Variants in POFUT3 observed in about 807,000 individuals in gnomAD.
POFUT3 encodes GDP-fucose protein O-fucosyltransferase 3.
chr8:33,399,815 G>A, the POFUT3 span, among the ~76,000 whole-genome samples: 12 of 151,766 alleles, frequency 7.9e-5, no homozygotes, highest in East Asian at 2.0e-4. Context: ...CACCACGCCC[G>A]GCTAATTTTT....
chr8:33,461,700 C>G, the POFUT3 span: 1 of 1,429,306 alleles, frequency 7.0e-7, no homozygotes, highest in Non-Finnish European at 9.2e-7. Context: ...GGAGATTTCT[C>G]CAAATAAGAA....
the POFUT3 span, among the ~76,000 whole-genome samples, chr8:33,447,662 C>G: frequency 7.7e-6 from 1 of 129,258 alleles, no homozygotes; most frequent in Non-Finnish European, 1.7e-5. Context: ...GAAAATGATT[C>G]ATCTCTAGGA....
At chr8:33,334,513 G>A in the POFUT3 span, among the ~76,000 whole-genome samples, 1 of 152,158 alleles carries the variant, frequency 6.6e-6, no homozygotes, top group African/African-American at 2.4e-5. Flanking sequence ...ACAGTACCCG[G>A]CCGAGTTGCA....
At chr8:33,391,596 G>T in the POFUT3 span, among the ~76,000 whole-genome samples, 5 of 152,168 alleles carry the variant, frequency 3.3e-5, no homozygotes, top group Non-Finnish European at 5.9e-5. Context: ...CTCAAAAAGG[G>T]TCTAAGCTGG....
At chr8:33,314,681 A>T in the POFUT3 span, among the ~76,000 whole-genome samples, 2 of 152,188 alleles carry the variant, frequency 1.3e-5, no homozygotes, top group Admixed American at 1.3e-4. Flanking sequence ...TTCCAGTTAC[A>T]TTGGAGGCAG....
chr8:33,438,883 G>A, the POFUT3 span, among the ~76,000 whole-genome samples: 2 of 152,116 alleles, frequency 1.3e-5, no homozygotes, highest in East Asian at 1.9e-4. Flanking sequence ...ACAGTCTGGG[G>A]GAAACCGCTC....
the POFUT3 span, among the ~76,000 whole-genome samples, chr8:33,454,543 G>C: frequency 6.6e-6 from 1 of 152,178 alleles, no homozygotes; most frequent in Non-Finnish European, 1.5e-5. Context: ...CAGGTTTCAG[G>C]GATCAGGGAG....
At chr8:33,403,273 T>C in the POFUT3 span, among the ~76,000 whole-genome samples, 5 of 148,914 alleles carry the variant, frequency 3.4e-5, no homozygotes, top group Admixed American at 6.7e-5. Context: ...GGTGTGTGCG[T>C]GTGTGTGTGT....
the POFUT3 span, among the ~76,000 whole-genome samples, chr8:33,402,689 G>A: frequency 5.9e-5 from 9 of 152,192 alleles, no homozygotes; most frequent in South Asian, 2.1e-4. Context: ...GCAACTCTCC[G>A]ATGGCAGTAA....
chr8:33,367,713 A>G, the POFUT3 span, among the ~76,000 whole-genome samples: 1 of 151,792 alleles, frequency 6.6e-6, no homozygotes, highest in Non-Finnish European at 1.5e-5. Context: ...CTTATGTAAA[A>G]CTGGCTTTTT....
At chr8:33,470,977 A>T in the POFUT3 span, among the ~76,000 whole-genome samples, 1 of 152,186 alleles carries the variant, frequency 6.6e-6, no homozygotes, top group African/African-American at 2.4e-5. Context: ...AATTGTATAT[A>T]ACAGGTTTAG....
the POFUT3 span, chr8:33,452,897 T>C: frequency 3.4e-6 from 1 of 293,220 alleles, no homozygotes; most frequent in African/African-American, 2.2e-5. Context: ...TTCTAGAAGC[T>C]TCTGCTACAA....
chr8:33,317,397 T>C, the POFUT3 span, among the ~76,000 whole-genome samples: 8 of 151,912 alleles, frequency 5.3e-5, no homozygotes, highest in African/African-American at 1.9e-4. Context: ...ACCTCAACGT[T>C]CCTTTCTGCT....
chr8:33,470,773 C>A, the POFUT3 span, among the ~76,000 whole-genome samples: 1 of 152,140 alleles, frequency 6.6e-6, no homozygotes, highest in Non-Finnish European at 1.5e-5. Context: ...GTAACACTGA[C>A]AAAATGTAGC....
the POFUT3 span, among the ~76,000 whole-genome samples, chr8:33,406,931 A>T: frequency 6.6e-6 from 1 of 152,142 alleles, no homozygotes; most frequent in Non-Finnish European, 1.5e-5. Context: ...AATTTTTAAA[A>T]ATCAAAAAAC....
the POFUT3 span, among the ~76,000 whole-genome samples, chr8:33,448,184 A>T: frequency 3.4e-4 from 49 of 142,266 alleles, no homozygotes; most frequent in South Asian, 1.3e-3. Context: ...CTACAAAAAA[A>T]AATTTTTTTT....
the POFUT3 span, among the ~76,000 whole-genome samples, chr8:33,351,880 G>A: frequency 6.6e-6 from 1 of 152,216 alleles, no homozygotes; most frequent in Non-Finnish European, 1.5e-5. Context: ...GGTTAGCCAT[G>A]ACAGAATTAT....
the POFUT3 span, among the ~76,000 whole-genome samples, chr8:33,369,399 A>T: frequency 2.6e-5 from 4 of 152,212 alleles, no homozygotes; most frequent in African/African-American, 9.6e-5. Context: ...ATATATGCTG[A>T]TATTAGAATT....
the POFUT3 span, among the ~76,000 whole-genome samples, chr8:33,351,444 G>A: frequency 2.6e-4 from 39 of 152,032 alleles, no homozygotes; most frequent in African/African-American, 8.2e-4. Flanking sequence ...GGAGTCGGCG[G>A]GGGGCAGGGG....
Sources: gnomAD v4.1 joint callset for allele counts (sites outside exome capture counted in the v4.1 genomes callset) on GRCh38, gnomAD v4.1.1 for gene constraint, MANE v1.5 for transcripts, NCBI Gene and HGNC (gene_info 2026-07-23, HGNC 2026-07-21) for gene names.